Variants in DGKB observed in about 807,000 individuals in gnomAD.
The protein encoded by DGKB is diacylglycerol kinase beta.
In DGKB, 67 loss-of-function variants were observed where a neutral mutation model predicts 114.3. That is an observed-to-expected ratio of 0.59 (90% CI 0.48 to 0.72). The LOEUF is 0.72. Ranked by LOEUF, DGKB falls within the 30% of genes least tolerant of loss-of-function variation. The pLI is 0.00. For synonymous variants in DGKB, 398 were observed against 323.1 expected, an observed-to-expected ratio of 1.23 and a Z score of -2.49; for missense variants, 907 against 975.2, an observed-to-expected ratio of 0.93 and a Z score of 0.93.
At chr7:14,729,867 A>G (rs1297495247) in intron 5 of DGKB, among the ~76,000 whole-genome samples, 4 of 152,206 alleles carry the variant, frequency 2.6e-5, no homozygotes, top group Non-Finnish European at 5.9e-5. Flanking sequence ...ATGAGTTTAA[A>G]TAAATAGATA....
chr7:14,485,715 T>C (rs1220269435), intron 20 of DGKB, among the ~76,000 whole-genome samples: 2 of 134,592 alleles, frequency 1.5e-5, no homozygotes, highest in African/African-American at 5.5e-5. Flanking sequence ...TGAAACCCCA[T>C]CTCTACTAAA....
chr7:14,423,997 T>A (rs920573599), intron 21 of DGKB, among the ~76,000 whole-genome samples: 1 of 152,102 alleles, frequency 6.6e-6, no homozygotes, highest in African/African-American at 2.4e-5. Context: ...CCATATTTCA[T>A]CACTTTCAAC....
chr7:14,234,833 A>G (rs1792518762), intron 23 of DGKB, among the ~76,000 whole-genome samples: 1 of 152,102 alleles, frequency 6.6e-6, no homozygotes, highest in South Asian at 2.1e-4. Flanking sequence ...CTACCCCAAC[A>G]TTTCATAATT....
Position 14,325,535 on chromosome 7 carries a change from C to T in DGKB, c.2122+12980G>A, listed in dbSNP as rs546697604. On this transcript the variant is annotated intron_variant, in intron 23 of 25. Transcript: ENST00000402815. ...AGTGAACTGTACTCTAGTCAACTTT[C>T]GTTGGGATAAATATTCTAATAGGAA... Among the ~76,000 whole-genome samples, 52 of 152,200 alleles carry T rather than the reference C, an allele frequency of 3.4e-4. 1 individual carries two copies. The highest frequency in any genetic ancestry group is 1.2e-3 in the African/African-American group (51 of 41,546).
intron 23 of DGKB, among the ~76,000 whole-genome samples, chr7:14,181,754 G>T (rs1008112065): frequency 1.3e-5 from 2 of 152,132 alleles, no homozygotes; most frequent in Non-Finnish European, 2.9e-5. Context: ...AGAGGAAGAC[G>T]TTGCTTTTGT....
chr7:14,270,048 C>CAAAAA (rs397889901), intron 23 of DGKB, among the ~76,000 whole-genome samples: 8 of 52,836 alleles, frequency 1.5e-4, no homozygotes, highest in African/African-American at 3.7e-4. Context: ...GCTTTTTTTG[C>CAAAAA]AAAAAAAAAA....
rs920166299 is a variant in DGKB, at chr7:14,835,616, C to T, written c.70+5578G>A. On this transcript the variant is annotated intron_variant, in intron 2 of 25. Transcript: ENST00000402815. ...TAAAAGCTAATCTCAGCATGACAAA[C>T]GGGCAAGAGGGCTAGCGTGTGATCT... Among the ~76,000 whole-genome samples the T allele has an allele frequency of 4.6e-5, 7 of 152,064 alleles. No individual in the cohort carries two copies. The South Asian group carries it at 6.2e-4, about 14-fold the overall frequency.
At chr7:14,834,921 T>C (rs1846946144) in intron 2 of DGKB, among the ~76,000 whole-genome samples, 1 of 152,134 alleles carries the variant, frequency 6.6e-6, no homozygotes, top group Non-Finnish European at 1.5e-5. Flanking sequence ...TACTTTTTTC[T>C]TTTACTATTG....
At chr7:14,314,514 C>G (rs1321305901) in intron 23 of DGKB, among the ~76,000 whole-genome samples, 1 of 151,906 alleles carries the variant, frequency 6.6e-6, no homozygotes, top group Non-Finnish European at 1.5e-5. Flanking sequence ...ATGTGATCAA[C>G]TGGAAGAAAG....
chr7:14,327,574 GCTC>G (rs1439991972), intron 23 of DGKB, among the ~76,000 whole-genome samples: 2 of 152,006 alleles, frequency 1.3e-5, no homozygotes. Context: ...ATCTCTGAGA[GCTC>G]CTCAAATCCT....
chr7:14,737,879 TGAGAC>T (rs1831975538), intron 4 of DGKB, among the ~76,000 whole-genome samples: 1 of 138,544 alleles, frequency 7.2e-6, no homozygotes, highest in Admixed American at 7.5e-5. Flanking sequence ...GGCGATAGAG[TGAGAC>T]TCCGTCTCAA....
At chr7:14,660,376 G>T (rs528554154) in intron 13 of DGKB, among the ~76,000 whole-genome samples, 3,770 of 151,878 alleles carry the variant, frequency 0.025, 100 homozygotes, top group Middle Eastern at 0.095. Context: ...ACTCTTTTTG[G>T]TTGGTAAGCT....
intron 23 of DGKB, among the ~76,000 whole-genome samples, chr7:14,184,291 T>A (rs1783072337): frequency 6.6e-6 from 1 of 152,150 alleles, no homozygotes; most frequent in Non-Finnish European, 1.5e-5. Flanking sequence ...GGAAGCCACC[T>A]GGCTAGAACT....
intron 17 of DGKB, among the ~76,000 whole-genome samples, chr7:14,588,273 T>G (rs939192301): frequency 2.6e-5 from 4 of 152,136 alleles, no homozygotes; most frequent in African/African-American, 9.6e-5. Flanking sequence ...TGAATAACTT[T>G]TTTTTCAAAT....
chr7:14,443,873 T>A (rs1830398445), intron 21 of DGKB, among the ~76,000 whole-genome samples: 1 of 152,032 alleles, frequency 6.6e-6, no homozygotes, highest in African/African-American at 2.4e-5. Flanking sequence ...ACTTTAAATA[T>A]TAGCTCTCTC....
chr7:14,865,265 C>A (rs950985389), intron 1 of DGKB, among the ~76,000 whole-genome samples: 3 of 152,164 alleles, frequency 2.0e-5, no homozygotes, highest in African/African-American at 7.2e-5. Flanking sequence ...GTTCCATTGC[C>A]TTTTCTCCTA....
At chr7:14,797,587 T>C (rs1195593537) in intron 2 of DGKB, among the ~76,000 whole-genome samples, 1 of 152,094 alleles carries the variant, frequency 6.6e-6, no homozygotes, top group African/African-American at 2.4e-5. Flanking sequence ...TCTCAGAAAG[T>C]TATAACTTAG....
intron 2 of DGKB, among the ~76,000 whole-genome samples, chr7:14,777,279 T>C (rs1838338673): frequency 6.6e-6 from 1 of 152,126 alleles, no homozygotes; most frequent in Non-Finnish European, 1.5e-5. Flanking sequence ...GAGTTAATGC[T>C]GGAATGAGTT....
chr7:14,504,816 T>C (rs1157957513), intron 20 of DGKB, among the ~76,000 whole-genome samples: 1 of 151,728 alleles, frequency 6.6e-6, no homozygotes, highest in African/African-American at 2.4e-5. Flanking sequence ...TTTCTAAGAG[T>C]TGACTGCATC....
Sources: allele counts gnomAD v4.1 joint callset (sites outside exome capture counted in the v4.1 genomes callset), GRCh38; gene constraint gnomAD v4.1.1; transcripts MANE v1.5; gene names NCBI Gene and HGNC (gene_info 2026-07-23, HGNC 2026-07-21).